Variants in EBF1 observed in about 807,000 individuals in gnomAD.
The protein encoded by EBF1 is EBF transcription factor 1, also known as transcription factor COE1.
A neutral mutation model predicts 68.4 loss-of-function variants in EBF1; 10 were observed. The observed-to-expected ratio is 0.15, with a 90% CI of 0.09 to 0.25. EBF1 has a LOEUF of 0.25. EBF1 is among the 10% of genes least tolerant of loss of function. The probability of loss-of-function intolerance (pLI) is 1.00; values close to 1 mark genes in which losing one functional copy is unlikely to be tolerated. For missense variants in EBF1, 509 were observed against 794.4 expected, an observed-to-expected ratio of 0.64 and a Z score of 4.32; for synonymous variants, 298 against 299.8, an observed-to-expected ratio of 0.99 and a Z score of 0.06.
At chr5:158,713,228 T>TG (rs1364057524) in intron 12 of EBF1, 81 bp from the exon 13 acceptor site, 3 of 1,225,188 alleles carry the variant, frequency 2.4e-6, no homozygotes, top group Non-Finnish European at 3.1e-6. Context: ...CCAGGTACCG[T>TG]GCTCAGGGTT....
intron 10 of EBF1, among the ~76,000 whole-genome samples, chr5:158,773,669 C>T (rs1038268872): frequency 6.6e-6 from 1 of 152,088 alleles, no homozygotes; most frequent in Non-Finnish European, 1.5e-5. Context: ...GAAGGCAACA[C>T]ATGCATTTGG....
chr5:158,800,031 C>T (rs1780304517), intron 8 of EBF1, among the ~76,000 whole-genome samples: 1 of 152,068 alleles, frequency 6.6e-6, no homozygotes, highest in African/African-American at 2.4e-5. Flanking sequence ...GTGGCTAAAA[C>T]TATAGGTACC....
rs188191921 is a variant in EBF1, at chr5:158,998,238, C to G, written c.554+75158G>C. Among the ~76,000 whole-genome samples the G allele has an allele frequency of 9.2e-5, 14 of 152,168 alleles. No individual in the cohort carries two copies. In the East Asian group the frequency reaches 9.6e-4, roughly 10 times the overall value. On this transcript the variant is annotated intron_variant, in intron 6 of 15. Coordinates refer to ENST00000313708, the MANE Select transcript of EBF1 (RefSeq NM_024007.5). ...GTATTTGTTTTCCAGAGCCAAACACCCCATGTGTGATTGCAGAATGAACTA... is the reference window on the plus strand; with the variant it reads ...GTATTTGTTTTCCAGAGCCAAACACGCCATGTGTGATTGCAGAATGAACTA...
chr5:158,722,649 C>T (rs997000813), intron 11 of EBF1, among the ~76,000 whole-genome samples: 4 of 152,182 alleles, frequency 2.6e-5, no homozygotes, highest in African/African-American at 4.8e-5. Context: ...TGAACATCAT[C>T]GGTTATCATA....
chr5:158,958,812 T>A (rs1056058359), intron 6 of EBF1, among the ~76,000 whole-genome samples: 1 of 152,136 alleles, frequency 6.6e-6, no homozygotes. Context: ...ATTCAAAACT[T>A]AACAACACTT....
chr5:158,839,515 T>C (rs950020597), intron 7 of EBF1, among the ~76,000 whole-genome samples: 3 of 152,158 alleles, frequency 2.0e-5, no homozygotes, highest in Non-Finnish European at 4.4e-5. Context: ...CCCGAGTAGC[T>C]GGGACAACAG....
At chr5:158,876,583 GGAAA>G (rs1797848445) in intron 6 of EBF1, among the ~76,000 whole-genome samples, 5 of 152,144 alleles carry the variant, frequency 3.3e-5, no homozygotes, top group Admixed American at 3.3e-4. Flanking sequence ...AAGAACTTCA[GGAAA>G]AACAACATCT....
intron 6 of EBF1, among the ~76,000 whole-genome samples, chr5:158,890,103 C>T (rs1445689036): frequency 1.3e-5 from 2 of 152,076 alleles, no homozygotes; most frequent in Non-Finnish European, 2.9e-5. Flanking sequence ...TAATAATATC[C>T]TCCTGTCTAA....
At chr5:158,805,652 G>C (rs1781447650) in intron 8 of EBF1, among the ~76,000 whole-genome samples, 1 of 151,958 alleles carries the variant, frequency 6.6e-6, no homozygotes, top group Non-Finnish European at 1.5e-5. Context: ...TTTTTTGTTA[G>C]AGGGTTTTGT....
At chr5:158,833,815 A>G (rs539028997) in intron 7 of EBF1, among the ~76,000 whole-genome samples, 9 of 152,208 alleles carry the variant, frequency 5.9e-5, no homozygotes, top group Admixed American at 2.6e-4. Flanking sequence ...TATATGTTCT[A>G]TTTGTTACAA....
intron 8 of EBF1, among the ~76,000 whole-genome samples, chr5:158,809,068 G>C (rs1368921674): frequency 6.6e-6 from 1 of 151,986 alleles, no homozygotes; most frequent in African/African-American, 2.4e-5. Context: ...TATATACATA[G>C]GCAAATCACC....
At chr5:158,983,666 G>A (rs1758358096) in intron 6 of EBF1, 3 of 152,126 alleles carry the variant, frequency 2.0e-5, no homozygotes, top group African/African-American at 7.2e-5. Flanking sequence ...TGGCTCTAAT[G>A]TCTTTGGAAA....
intron 6 of EBF1, among the ~76,000 whole-genome samples, chr5:158,920,156 T>A (rs1250885962): frequency 1.5e-5 from 2 of 131,370 alleles, no homozygotes; most frequent in African/African-American, 5.1e-5. Context: ...TATACATATG[T>A]GTGTGTGTGT....
Position 159,020,441 on chromosome 5 carries a change from C to T in EBF1, c.554+52955G>A, listed in dbSNP as rs114943034. ...CAACCCAGCAGGCCTTTGCAGTATC[C>T]GCCAAAGCCCACTGCTCAGTCCTCT... On this transcript the variant is annotated intron_variant, in intron 6 of 15. Transcript: ENST00000313708. 9.9e-3 allele frequency among the ~76,000 whole-genome samples: 1,504 copies of T among 152,232 alleles called. 13 individuals are homozygous for T. Among genetic ancestry groups the T allele is most frequent in the Non-Finnish European group, 0.012 (811 of 68,008 alleles).
intron 6 of EBF1, among the ~76,000 whole-genome samples, chr5:158,882,872 T>G (rs1287732996): frequency 1.3e-5 from 2 of 152,228 alleles, no homozygotes; most frequent in Non-Finnish European, 2.9e-5. Context: ...TGTTCATGTG[T>G]GAATCTGCAT....
chr5:158,917,489 G>T (rs563101200), intron 6 of EBF1, among the ~76,000 whole-genome samples: 5 of 152,132 alleles, frequency 3.3e-5, no homozygotes. Flanking sequence ...GAGACCATCC[G>T]GCTTGATGTT....
At chr5:158,878,265 G>A (rs1798170541) in intron 6 of EBF1, among the ~76,000 whole-genome samples, 1 of 152,124 alleles carries the variant, frequency 6.6e-6, no homozygotes, top group African/African-American at 2.4e-5. Context: ...ATGAGCATGA[G>A]AAAGTGGCAT....
At chr5:158,960,510 T>G (rs1410741085) in intron 6 of EBF1, among the ~76,000 whole-genome samples, 1 of 152,152 alleles carries the variant, frequency 6.6e-6, no homozygotes, top group Non-Finnish European at 1.5e-5. Flanking sequence ...TATATTAAAA[T>G]TGTACATCTC....
chr5:159,099,277 TGCCGC>T, intron 1 of EBF1, 63 bp downstream of exon 1: 5 of 771,778 alleles, frequency 6.5e-6, no homozygotes, highest in Non-Finnish European at 8.7e-6. Flanking sequence ...CCGCTGCCGC[TGCCGC>T]CTCCGCCTCC....
Sources: allele counts gnomAD v4.1 joint callset (sites outside exome capture counted in the v4.1 genomes callset), GRCh38; gene constraint gnomAD v4.1.1; transcripts MANE v1.5; gene names NCBI Gene and HGNC (gene_info 2026-07-23, HGNC 2026-07-21).